CAMTA1: variants seen among roughly 807,000 people sequenced by gnomAD.
CAMTA1 encodes calmodulin-binding transcription activator 1.
A neutral mutation model predicts 170.9 loss-of-function variants in CAMTA1; 27 were observed. That is an observed-to-expected ratio of 0.16 (90% CI 0.12 to 0.22). CAMTA1 has a LOEUF of 0.22. Among genes scored for constraint, CAMTA1 ranks in the 10% least tolerant of loss-of-function variants. CAMTA1 has a pLI of 1.00. For synonymous variants in CAMTA1, 833 were observed against 891.5 expected (o/e 0.93, Z 1.17); for missense variants, 1,619 against 2,217.2 (o/e 0.73, Z 5.42).
At chr1:7,082,186 C>G (rs1640105122) in intron 3 of CAMTA1, among the ~76,000 whole-genome samples, 1 of 152,120 alleles carries the variant, frequency 6.6e-6, no homozygotes, top group South Asian at 2.1e-4. Flanking sequence ...GCCTGTAACC[C>G]CAGCACTTTG....
intron 6 of CAMTA1, among the ~76,000 whole-genome samples, chr1:7,583,148 G>A (rs1188212571): frequency 3.3e-5 from 5 of 152,122 alleles, no homozygotes; most frequent in Non-Finnish European, 7.4e-5. Context: ...GGCGTTAGCA[G>A]GGGGCCTAAA....
chr1:7,313,166 G>C (rs1296489279), intron 5 of CAMTA1, among the ~76,000 whole-genome samples: 3 of 152,054 alleles, frequency 2.0e-5, no homozygotes, highest in Admixed American at 2.0e-4. Context: ...AATCATAAAG[G>C]TCCTTAGACA....
chr1:7,239,628 A>G (rs1176602339), intron 4 of CAMTA1, among the ~76,000 whole-genome samples: 1 of 137,064 alleles, frequency 7.3e-6, no homozygotes, highest in African/African-American at 2.8e-5. Flanking sequence ...CAATAGCTTC[A>G]AGGTCAATTT....
intron 6 of CAMTA1, among the ~76,000 whole-genome samples, chr1:7,508,270 A>G (rs2094150272): frequency 6.6e-6 from 1 of 152,090 alleles, no homozygotes; most frequent in Admixed American, 6.5e-5. Flanking sequence ...AGCCATGGGG[A>G]GCACCAGTGG....
chr1:6,844,689 CCAAAAAAAAAAA>C (rs1657303751), intron 3 of CAMTA1, among the ~76,000 whole-genome samples: 1 of 69,402 alleles, frequency 1.4e-5, no homozygotes, highest in Non-Finnish European at 2.8e-5. Flanking sequence ...GACCCTGTGT[CCAAAAAAAAAAA>C]AAAAAAAAAA....
intron 5 of CAMTA1, among the ~76,000 whole-genome samples, chr1:7,412,848 G>T (rs938702749): frequency 2.0e-5 from 3 of 152,094 alleles, no homozygotes; most frequent in African/African-American, 7.2e-5. Flanking sequence ...TGTCCTGAAT[G>T]GTATTGCCTA....
At chr1:7,331,763 T>G (rs2083050164) in intron 5 of CAMTA1, among the ~76,000 whole-genome samples, 1 of 152,152 alleles carries the variant, frequency 6.6e-6, no homozygotes, top group Non-Finnish European at 1.5e-5. Context: ...GTTTTCTACC[T>G]CTTTGACCTT....
At chr1:7,653,347 G>A (rs1047973253) in intron 7 of CAMTA1, among the ~76,000 whole-genome samples, 1 of 151,964 alleles carries the variant, frequency 6.6e-6, no homozygotes, top group African/African-American at 2.4e-5. Context: ...CTGTAGCCTC[G>A]ACCTCCCTGG....
chr1:7,148,408 C>T (rs1456504909), intron 4 of CAMTA1, among the ~76,000 whole-genome samples: 1 of 133,768 alleles, frequency 7.5e-6, no homozygotes, highest in African/African-American at 2.9e-5. Context: ...ATACCCCAAA[C>T]ACACGAATCC....
chr1:7,139,001 AT>A (rs1327476743), intron 4 of CAMTA1, among the ~76,000 whole-genome samples: 126 of 141,708 alleles, frequency 8.9e-4, no homozygotes, highest in Middle Eastern at 3.7e-3. Flanking sequence ...TCTCAAAAAA[AT>A]ATATATATAT....
chr1:7,670,493 T>G (rs1385054428), intron 9 of CAMTA1, among the ~76,000 whole-genome samples: 3 of 152,146 alleles, frequency 2.0e-5, no homozygotes, highest in Non-Finnish European at 4.4e-5. Flanking sequence ...AACTTGGAGT[T>G]CCCTCAGTCT....
chr1:7,155,641 G>A (rs1011824631), intron 4 of CAMTA1, among the ~76,000 whole-genome samples: 1 of 152,000 alleles, frequency 6.6e-6, no homozygotes, highest in Non-Finnish European at 1.5e-5. Flanking sequence ...ATGTTGTTCA[G>A]GCTGGTCTTG....
chr1:7,043,918 G>A (rs1704921748), intron 3 of CAMTA1, among the ~76,000 whole-genome samples: 1 of 152,206 alleles, frequency 6.6e-6, no homozygotes. Flanking sequence ...GATCTCCGCA[G>A]GGGGCCAGGC....
At chr1:7,189,173 C>A (rs534222660) in intron 4 of CAMTA1, among the ~76,000 whole-genome samples, 15 of 152,284 alleles carry the variant, frequency 9.9e-5, no homozygotes, top group African/African-American at 3.1e-4. Flanking sequence ...ACATAAAATA[C>A]TTTCTGTGTG....
chr1:6,809,029 CTTTTTTTTTT>C (rs397979031), intron 1 of CAMTA1, among the ~76,000 whole-genome samples: 1 of 141,336 alleles, frequency 7.1e-6, no homozygotes, highest in Non-Finnish European at 1.6e-5. Flanking sequence ...TCTTCTTTTT[CTTTTTTTTTT>C]TTTTGAGATG....
intron 6 of CAMTA1, among the ~76,000 whole-genome samples, chr1:7,484,904 C>T (rs1193165): frequency 0.56 from 85,611 of 151,878 alleles, 24,827 homozygotes; most frequent in African/African-American, 0.7. Flanking sequence ...CCGTCCTAGG[C>T]TCTCTCCCCT....
intron 1 of CAMTA1, among the ~76,000 whole-genome samples, chr1:6,815,794 T>C (rs1266564715): frequency 1.3e-5 from 2 of 152,194 alleles, no homozygotes; most frequent in Non-Finnish European, 2.9e-5. Context: ...ACCTGGGGGC[T>C]TGTTAGAGGC....
intron 3 of CAMTA1, among the ~76,000 whole-genome samples, chr1:6,946,134 G>A (rs1687532755): frequency 6.6e-6 from 1 of 151,840 alleles, no homozygotes; most frequent in Non-Finnish European, 1.5e-5. Context: ...AGCTGTATAG[G>A]GGAGTTCCAG....
chr1:7,343,420 C>A (rs907650280), intron 5 of CAMTA1, among the ~76,000 whole-genome samples: 1 of 152,146 alleles, frequency 6.6e-6, no homozygotes, highest in Non-Finnish European at 1.5e-5. Flanking sequence ...GCTGGAACCT[C>A]CATTATCTGT....
Sources: allele counts gnomAD v4.1 joint callset (sites outside exome capture counted in the v4.1 genomes callset), GRCh38; gene constraint gnomAD v4.1.1; transcripts MANE v1.5; gene names NCBI Gene and HGNC (gene_info 2026-07-23, HGNC 2026-07-21).